ANK3: variants seen among roughly 807,000 people sequenced by gnomAD.
The protein encoded by ANK3 is ankyrin 3.
A neutral mutation model predicts 370.9 loss-of-function variants in ANK3; 57 were observed. The observed-to-expected ratio is 0.15, with a 90% confidence interval of 0.12 to 0.19. The LOEUF (loss-of-function observed/expected upper bound fraction) is 0.19. Among genes scored for constraint, ANK3 ranks in the 10% least tolerant of loss-of-function variants. ANK3 has a pLI of 1.00. For synonymous variants in ANK3, 1,929 were observed against 1,946.3 expected, an observed-to-expected ratio of 0.99 and a Z score of 0.23; for missense variants, 4,439 against 5,302.1, an observed-to-expected ratio of 0.84 and a Z score of 5.06.
intron 2 of ANK3, among the ~76,000 whole-genome samples, chr10:60,571,925 T>C (rs1185524323): frequency 1.3e-5 from 2 of 152,162 alleles, no homozygotes; most frequent in Admixed American, 6.5e-5. Flanking sequence ...ACTGGGTATA[T>C]GGCTGTATGA....
At chr10:60,506,097 T>C (rs2075932899) in intron 2 of ANK3, among the ~76,000 whole-genome samples, 2 of 152,142 alleles carry the variant, frequency 1.3e-5, no homozygotes, top group African/African-American at 2.4e-5. Context: ...GATTATTTTA[T>C]ATTTTTTAAA....
chr10:60,070,380 G>A lies in ANK3; in HGVS notation c.10501C>T (p.Gln3501Ter). The A allele has an allele frequency of 6.2e-7, 1 of 1,614,094 alleles. No homozygotes were observed. Among genetic ancestry groups the A allele is most frequent in the Non-Finnish European group, 8.5e-7 (1 of 1,180,008 alleles). Reference sequence around the variant, plus strand: ...TGTCTGCCTTCCAGTGTGAAGAACTGGGCCCCTGACTTCTGATCAGTCTTA... The same window carrying A: ...TGTCTGCCTTCCAGTGTGAAGAACTAGGCCCCTGACTTCTGATCAGTCTTA... The part of the protein sequence containing the change: ...PDKTDQKSGA[Q>*]FFTLEGRHPD... Residue 3501 changes from glutamine (Q) to a stop codon, truncating the protein, a stop_gained, in exon 37 of 44, where the codon CAG becomes TAG. Coordinates refer to ENST00000280772, the MANE Select transcript of ANK3 (RefSeq NM_020987.5). LOFTEE classifies it high-confidence loss of function. The surrounding 1 kb of genome is among the most constrained non-coding windows in gnomAD (Gnocchi z 5.7).
intron 1 of ANK3, among the ~76,000 whole-genome samples, chr10:60,725,221 G>A (rs953498385): frequency 6.6e-6 from 1 of 152,038 alleles, no homozygotes; most frequent in Non-Finnish European, 1.5e-5. Context: ...AATTCCTTAT[G>A]TTTATCTAAT....
chr10:60,102,958 ATTTT>A (rs780202925), intron 28 of ANK3, among the ~76,000 whole-genome samples: 3 of 148,586 alleles, frequency 2.0e-5, no homozygotes, highest in Non-Finnish European at 4.5e-5. Flanking sequence ...AAGACAATTT[ATTTT>A]TTTTTTTCTG....
rs572460423 is a variant in ANK3, at chr10:60,729,781, G to A, written c.57+3482C>T. ...AACTGAAAACACATAACTTTCATCT[G>A]ATTGCTTTCTTCTTGTCCATCACAC... On this transcript the variant is annotated intron_variant, in intron 1 of 43. Transcript: ENST00000373827. Among the ~76,000 whole-genome samples the A allele has an allele frequency of 2.0e-5, 3 of 152,286 alleles. No homozygotes were observed. The East Asian group carries it at 5.8e-4, about 29-fold the overall frequency.
chr10:60,134,987 G>A (rs1415017806), intron 24 of ANK3, among the ~76,000 whole-genome samples: 2 of 152,142 alleles, frequency 1.3e-5, no homozygotes, highest in Non-Finnish European at 2.9e-5. Context: ...TTGCTCTACT[G>A]TTGTCTTTCT....
At chr10:60,282,645 C>T (rs1490122149) in intron 1 of ANK3, among the ~76,000 whole-genome samples, 5 of 152,046 alleles carry the variant, frequency 3.3e-5, no homozygotes, top group African/African-American at 1.2e-4. Context: ...CTGGTGGACG[C>T]CTTCATTATA....
chr10:60,127,937 T>G (rs2093853077), intron 25 of ANK3, among the ~76,000 whole-genome samples: 1 of 152,146 alleles, frequency 6.6e-6, no homozygotes, highest in Non-Finnish European at 1.5e-5. Context: ...TACCTCGTGA[T>G]CTGCCCACCT....
At chr10:60,127,845 G>T (rs181185085) in intron 25 of ANK3, among the ~76,000 whole-genome samples, 2 of 151,640 alleles carry the variant, frequency 1.3e-5, no homozygotes, top group Admixed American at 1.3e-4. Context: ...TTACAGGAAC[G>T]TGCCACCATG....
intron 1 of ANK3, among the ~76,000 whole-genome samples, chr10:60,343,771 A>T (rs2054793838): frequency 6.6e-6 from 1 of 152,198 alleles, no homozygotes; most frequent in Non-Finnish European, 1.5e-5. Context: ...TTCTTGTAAG[A>T]GTCGTGTTGA....
intron 25 of ANK3, among the ~76,000 whole-genome samples, chr10:60,131,670 G>A (rs139957190): frequency 7.3e-4 from 111 of 152,312 alleles, no homozygotes; most frequent in African/African-American, 2.5e-3. Flanking sequence ...AGGCAATGGT[G>A]TGAGAACCCT....
chr10:60,064,363 T>C (rs1044569888), intron 38 of ANK3, 75 bp from the exon 39 acceptor site: 5 of 1,420,730 alleles, frequency 3.5e-6, no homozygotes, highest in Admixed American at 5.0e-5. Context: ...TAATGCTCAA[T>C]TGCCACAAAA....
At chr10:60,304,222 A>G (rs2132816593) in intron 1 of ANK3, among the ~76,000 whole-genome samples, 1 of 150,936 alleles carries the variant, frequency 6.6e-6, no homozygotes, top group South Asian at 2.1e-4. Flanking sequence ...TTATACTTGA[A>G]ATTTGCTGAA....
intron 2 of ANK3, among the ~76,000 whole-genome samples, chr10:60,530,118 C>T (rs1288625913): frequency 1.3e-5 from 2 of 152,160 alleles, no homozygotes; most frequent in African/African-American, 4.8e-5. Context: ...CACCACAAGA[C>T]AGAAGCCAAT....
intron 1 of ANK3, among the ~76,000 whole-genome samples, chr10:60,678,406 G>C (rs1408382160): frequency 6.6e-6 from 1 of 152,124 alleles, no homozygotes; most frequent in Non-Finnish European, 1.5e-5. Flanking sequence ...AAAAATAAGA[G>C]AGTTTGGCAT....
intron 1 of ANK3, among the ~76,000 whole-genome samples, chr10:60,304,100 G>T (rs528734871): frequency 1.3e-5 from 2 of 152,112 alleles, no homozygotes; most frequent in African/African-American, 4.8e-5. Context: ...GCTAGGAGTA[G>T]AAGAGAAAAT....
chr10:60,549,040 C>A (rs567064470), intron 2 of ANK3, among the ~76,000 whole-genome samples: 2 of 151,824 alleles, frequency 1.3e-5, no homozygotes, highest in Non-Finnish European at 2.9e-5. Context: ...AAGTAAGAAA[C>A]CAAGCCTTTA....
intron 2 of ANK3, among the ~76,000 whole-genome samples, chr10:60,403,479 A>C (rs1018645169): frequency 1.3e-5 from 2 of 152,254 alleles, no homozygotes; most frequent in Admixed American, 1.3e-4. Context: ...CAAATTTAAT[A>C]AAGTGAGGCT....
chr10:60,383,525 A>C (rs770119997), intron 1 of ANK3, among the ~76,000 whole-genome samples: 1 of 152,164 alleles, frequency 6.6e-6, no homozygotes, highest in Non-Finnish European at 1.5e-5. Flanking sequence ...TGCCTCTCAT[A>C]CACTCATTCA....
Sources: allele counts gnomAD v4.1 joint callset (sites outside exome capture counted in the v4.1 genomes callset), GRCh38; gene constraint gnomAD v4.1.1; non-coding constraint Gnocchi (gnomAD v3.1); transcripts MANE v1.5; gene names NCBI Gene and HGNC (gene_info 2026-07-23, HGNC 2026-07-21).